The following PROM1 variants were observed in gnomAD, a reference collection of about 807,000 sequenced individuals.
PROM1 encodes prominin-1.
PROM1 carries 105 observed loss-of-function variants against 116.9 expected under a neutral mutation model. That is an observed-to-expected ratio of 0.90 (90% confidence interval 0.77 to 1.06). PROM1 has a LOEUF of 1.06. Ranked by LOEUF, PROM1 falls within the 50% of genes least tolerant of loss-of-function variation. PROM1 has a pLI of 0.00. For synonymous variants in PROM1, 393 were observed against 387.0 expected, an observed-to-expected ratio of 1.02 and a Z score of -0.18; for missense variants, 1,122 against 1,045.2, an observed-to-expected ratio of 1.07 and a Z score of -1.01.
chr4:16,079,693 A>T (rs1410536171), intron 1 of PROM1, among the ~76,000 whole-genome samples: 4 of 152,164 alleles, frequency 2.6e-5, no homozygotes, highest in Admixed American at 6.5e-5. Flanking sequence ...CTGCATTTTT[A>T]ACAAGCTTTC....
At chr4:16,054,456 GCT>G (rs1250547114) in intron 2 of PROM1, among the ~76,000 whole-genome samples, 20 of 152,140 alleles carry the variant, frequency 1.3e-4, no homozygotes, top group Non-Finnish European at 1.0e-4. Context: ...CATTACCAGC[GCT>G]CTCTTTTATT....
intron 16 of PROM1, 91 bp downstream of exon 16, chr4:15,993,895 CA>C (rs1479373755): frequency 1.3e-6 from 2 of 1,542,896 alleles, no homozygotes; most frequent in Admixed American, 4.1e-5. Context: ...TTATCTTTTG[CA>C]AATTTCATCT....
intron 2 of PROM1, among the ~76,000 whole-genome samples, chr4:16,041,767 T>C (rs199499393): frequency 1.8e-5 from 2 of 114,258 alleles, no homozygotes; most frequent in African/African-American, 7.8e-5. Context: ...AATAAATAAA[T>C]AAATAAATAA....
intron 2 of PROM1, among the ~76,000 whole-genome samples, chr4:16,070,608 A>C (rs1481963291): frequency 6.6e-6 from 1 of 152,250 alleles, no homozygotes; most frequent in Non-Finnish European, 1.5e-5. Flanking sequence ...ACACTTAGCA[A>C]AGTAAGTCTT....
In PROM1 at chr4:16,043,742, C is replaced by CA. The variant is rs565288670; in HGVS notation, c.221-4742dup. Among the ~76,000 whole-genome samples the CA allele has an allele frequency of 7.0e-3, 1,067 of 152,300 alleles. 15 individuals carry two copies. Among genetic ancestry groups the CA allele is most frequent in the African/African-American group, 0.024 (983 of 41,546 alleles). On this transcript the variant is annotated intron_variant, in intron 2 of 27. Coordinates refer to ENST00000447510, the MANE Select transcript of PROM1 (RefSeq NM_006017.3). ...AGGGGAGCCTGCTCTTGAGAGCACA[C>CA]AGGTTGCCCCATGACGCTGTCTGGG...
chr4:15,989,719 C>T lies in PROM1; in HGVS notation c.2076+13G>A, dbSNP rs528429658. ...CAGGTCACAGTGAAATACAATACGT[C>T]GTTGACTGTTACCAGTGATTGTTCT... On this transcript the variant is annotated intron_variant, in intron 19 of 27. Transcript: ENST00000447510. 29 of 1,575,502 alleles carry T rather than the reference C, an allele frequency of 1.8e-5. No individual in the cohort carries two copies. The highest frequency in any genetic ancestry group is 2.3e-5 in the Non-Finnish European group (26 of 1,152,230).
At chr4:16,080,266 A>G (rs1371385003) in intron 1 of PROM1, among the ~76,000 whole-genome samples, 1 of 151,900 alleles carries the variant, frequency 6.6e-6, no homozygotes, top group Non-Finnish European at 1.5e-5. Flanking sequence ...CAAGCCTGTA[A>G]TCCCAGCATT....
intron 2 of PROM1, among the ~76,000 whole-genome samples, chr4:16,060,471 G>A (rs1740051540): frequency 6.6e-6 from 1 of 151,972 alleles, no homozygotes. Context: ...GTGCTACCAC[G>A]CCCGGCTAAT....
rs375983504 is a variant in PROM1, at chr4:16,000,958, G to T, written c.1455-339C>A. Among the ~76,000 whole-genome samples, 31 of 152,294 alleles carry T rather than the reference G, an allele frequency of 2.0e-4. No homozygotes were observed. The East Asian group carries it at 2.7e-3, about 13-fold the overall frequency. On this transcript the variant is annotated intron_variant, in intron 13 of 27. Transcript: ENST00000447510. The stretch of plus-strand genomic sequence containing the variant: ...ATAGGGGCCTGGGGACCCACGAGGG[G>T]TAGCCAATAAGGGGCTGAAAGCACA...
chr4:16,052,867 A>G lies in PROM1; in HGVS notation c.221-13866T>C, dbSNP rs1289734847. Among the ~76,000 whole-genome samples, 3 of 152,234 alleles carry G rather than the reference A, an allele frequency of 2.0e-5. No individual in the cohort carries two copies. The East Asian group carries it at 5.8e-4, about 29-fold the overall frequency. On this transcript the variant is annotated intron_variant, in intron 2 of 27. Coordinates refer to ENST00000447510, the MANE Select transcript of PROM1 (RefSeq NM_006017.3). ...TTGGGGAACAGGATAGTATATGGAA[A>G]AATCTGGAAGACACTACCTTACCCA...
chr4:16,081,127 A>C (rs1315973210), intron 1 of PROM1, among the ~76,000 whole-genome samples: 2 of 151,864 alleles, frequency 1.3e-5, no homozygotes, highest in Non-Finnish European at 2.9e-5. Flanking sequence ...TGTTTGTTAC[A>C]TGTGTATACA....
intron 19 of PROM1, among the ~76,000 whole-genome samples, chr4:15,987,945 C>T (rs1160780132): frequency 2.0e-5 from 3 of 146,974 alleles, no homozygotes; most frequent in African/African-American, 7.6e-5. Context: ...GGCACGATCT[C>T]AGCTCACTGC....
intron 8 of PROM1, 80 bp downstream of exon 8, chr4:16,023,246 C>G: frequency 6.2e-6 from 8 of 1,286,180 alleles, no homozygotes; most frequent in Non-Finnish European, 8.8e-6. Context: ...TCTCAGGGAA[C>G]AAGAAAAGAG....
At chr4:15,996,830 C>T (rs1329108129) in intron 15 of PROM1, among the ~76,000 whole-genome samples, 1 of 152,088 alleles carries the variant, frequency 6.6e-6, no homozygotes, top group Admixed American at 6.5e-5. Context: ...AATAAGAACA[C>T]TAAGAATGGT....
intron 26 of PROM1, among the ~76,000 whole-genome samples, chr4:15,973,615 T>C (rs1490427981): frequency 6.6e-6 from 1 of 152,214 alleles, no homozygotes; most frequent in South Asian, 2.1e-4. Context: ...GAAAATCAGA[T>C]TTCTGTCCTT....
At chr4:15,984,491 G>C (rs1032413906) in intron 22 of PROM1, 136 bp from the exon 23 acceptor site, 1 of 555,780 alleles carries the variant, frequency 1.8e-6, no homozygotes, top group Middle Eastern at 2.9e-4. Context: ...CCCAACTCCT[G>C]GGTCACAGAT....
At chr4:16,068,915 G>A (rs1742172703) in intron 2 of PROM1, among the ~76,000 whole-genome samples, 1 of 151,930 alleles carries the variant, frequency 6.6e-6, no homozygotes, top group African/African-American at 2.4e-5. Flanking sequence ...TTACAAATAG[G>A]CCAACCATCC....
intron 8 of PROM1, among the ~76,000 whole-genome samples, chr4:16,019,616 G>A (rs1729299104): frequency 6.6e-6 from 1 of 152,180 alleles, no homozygotes; most frequent in South Asian, 2.1e-4. Flanking sequence ...AGGGAGGTAG[G>A]GAATTACAAC....
chr4:16,006,460 T>C, intron 13 of PROM1, 78 bp downstream of exon 13: 1 of 1,457,982 alleles, frequency 6.9e-7, no homozygotes, highest in African/African-American at 1.4e-5. Flanking sequence ...GGCGCCGGGT[T>C]CATGTAACAC....
Sources: allele counts gnomAD v4.1 joint callset (sites outside exome capture counted in the v4.1 genomes callset), GRCh38; gene constraint gnomAD v4.1.1; transcripts MANE v1.5; gene names NCBI Gene and HGNC (gene_info 2026-07-23, HGNC 2026-07-21).